VCF1: variants seen among roughly 807,000 people sequenced by gnomAD.
The protein encoded by VCF1 is protein VCF1.
chr17:73,226,533 G>T, the VCF1 span, among the ~76,000 whole-genome samples: 1 of 152,156 alleles, frequency 6.6e-6, no homozygotes, highest in Non-Finnish European at 1.5e-5. Flanking sequence ...CTTAATAGCA[G>T]CATTACTTTA....
the VCF1 span, chr17:73,229,495 T>C: frequency 2.0e-6 from 2 of 985,354 alleles, no homozygotes; most frequent in African/African-American, 1.7e-5. Context: ...CTACAGATGG[T>C]TGATTCCATC....
chr17:73,212,031 A>G, the VCF1 span, among the ~76,000 whole-genome samples: 1 of 152,136 alleles, frequency 6.6e-6, no homozygotes, highest in South Asian at 2.1e-4. Context: ...GACTGTCTCA[A>G]AAAAAATAAA....
At chr17:73,210,818 T>TC in the VCF1 span, among the ~76,000 whole-genome samples, 1 of 149,592 alleles carries the variant, frequency 6.7e-6, no homozygotes, top group East Asian at 2.0e-4. Flanking sequence ...CAGGCTGGTC[T>TC]CCAACTCCTG....
At chr17:73,220,894 ATT>A in the VCF1 span, among the ~76,000 whole-genome samples, 15 of 96,650 alleles carry the variant, frequency 1.6e-4, no homozygotes, top group Admixed American at 2.5e-4. Flanking sequence ...TTTAATTTAG[ATT>A]TTTTTTTTTT....
At chr17:73,229,267 T>TA in the VCF1 span, 4 of 985,348 alleles carry the variant, frequency 4.1e-6, no homozygotes, top group African/African-American at 7.0e-5. Context: ...TCTAGGCTCT[T>TA]AGCAGATCTC....
the VCF1 span, chr17:73,207,882 G>T: frequency 1.7e-6 from 2 of 1,187,618 alleles, no homozygotes; most frequent in Non-Finnish European, 2.1e-6. Flanking sequence ...AACCCATTAA[G>T]ATCTAAAATC....
chr17:73,209,464 G>A, the VCF1 span: 268 of 1,513,394 alleles, frequency 1.8e-4, 1 homozygote, highest in Non-Finnish European at 2.2e-4. Context: ...AAAACAAGTT[G>A]TAAGTTGAAA....
At chr17:73,232,131 C>T in the VCF1 span, 2 of 1,609,952 alleles carry the variant, frequency 1.2e-6, no homozygotes, top group East Asian at 2.2e-5. Context: ...ATGGAAGCTA[C>T]GCGGCGCCGC....
the VCF1 span, among the ~76,000 whole-genome samples, chr17:73,226,244 C>A: frequency 1.3e-5 from 2 of 152,190 alleles, no homozygotes; most frequent in African/African-American, 4.8e-5. Context: ...AAACTCAGGT[C>A]TCCACACAGA....
chr17:73,226,827 T>G, the VCF1 span, among the ~76,000 whole-genome samples: 1 of 152,186 alleles, frequency 6.6e-6, no homozygotes, highest in African/African-American at 2.4e-5. Flanking sequence ...ATGTTTATCT[T>G]AAGGACAATT....
chr17:73,215,752 T>G, the VCF1 span, among the ~76,000 whole-genome samples: 3 of 152,140 alleles, frequency 2.0e-5, no homozygotes, highest in East Asian at 5.8e-4. Context: ...CTGAGCTGAA[T>G]CAAGAAAATG....
the VCF1 span, among the ~76,000 whole-genome samples, chr17:73,222,496 G>A: frequency 5.9e-5 from 9 of 151,956 alleles, no homozygotes; most frequent in Admixed American, 1.3e-4. Context: ...ACAAAACTAG[G>A]GCTGGGCGCG....
chr17:73,232,186 C>T, the VCF1 span: 10 of 1,609,350 alleles, frequency 6.2e-6, no homozygotes, highest in Non-Finnish European at 7.6e-6. Context: ...CGGCGGCCGC[C>T]ACGCCCACCC....
the VCF1 span, chr17:73,231,981 C>A: frequency 9.4e-6 from 12 of 1,271,192 alleles, no homozygotes; most frequent in African/African-American, 1.5e-4. Context: ...CCACAGGGAG[C>A]CCCGCCGGGT....
At chr17:73,223,295 C>A in the VCF1 span, among the ~76,000 whole-genome samples, 1 of 152,072 alleles carries the variant, frequency 6.6e-6, no homozygotes, top group Non-Finnish European at 1.5e-5. Flanking sequence ...CCAGTCTGGG[C>A]AACAAGAGTG....
At chr17:73,226,736 G>A in the VCF1 span, among the ~76,000 whole-genome samples, 3 of 152,186 alleles carry the variant, frequency 2.0e-5, no homozygotes, top group Non-Finnish European at 4.4e-5. Flanking sequence ...ACTGAGAAAT[G>A]GGATTCTGCA....
At chr17:73,227,837 G>C in the VCF1 span, 1 of 211,030 alleles carries the variant, frequency 4.7e-6, no homozygotes, top group Non-Finnish European at 8.2e-6. Flanking sequence ...AAATTTCCAG[G>C]TTTAAAGAAA....
At chr17:73,221,334 T>C in the VCF1 span, among the ~76,000 whole-genome samples, 1 of 151,590 alleles carries the variant, frequency 6.6e-6, no homozygotes, top group African/African-American at 2.4e-5. Context: ...GTGTAATTTG[T>C]AGATAAAGAT....
the VCF1 span, chr17:73,212,578 G>C: frequency 1.1e-6 from 1 of 873,000 alleles, no homozygotes. Flanking sequence ...ATTCTACAAA[G>C]GCGTCTCCTA....
Sources: gnomAD v4.1 joint callset for allele counts (sites outside exome capture counted in the v4.1 genomes callset) on GRCh38, gnomAD v4.1.1 for gene constraint, MANE v1.5 for transcripts, NCBI Gene and HGNC (gene_info 2026-07-23, HGNC 2026-07-21) for gene names.